CHRNE: variants seen among roughly 807,000 people sequenced by gnomAD.
The protein encoded by CHRNE is acetylcholine receptor subunit epsilon.
A neutral mutation model predicts 56.5 loss-of-function variants in CHRNE; 58 were observed. The ratio of observed to expected loss-of-function variants is 1.03; its 90% CI spans 0.83 to 1.28. The LOEUF is 1.28. Among genes scored for constraint, CHRNE ranks in the 50% most tolerant of loss-of-function variants. The probability of loss-of-function intolerance (pLI) is 0.00; values close to 1 mark genes in which losing one functional copy is unlikely to be tolerated. For missense variants in CHRNE, 793 were observed against 688.9 expected, an observed-to-expected ratio of 1.15 and a Z score of -1.69; for synonymous variants, 385 against 297.9, an observed-to-expected ratio of 1.29 and a Z score of -3.01.
At position 4,898,741 on chromosome 17, in the gene CHRNE, G is replaced by C. The variant is rs1193224043; in HGVS notation, c.1477C>G (p.Pro493Ala). ...GAAATTGAAGTCGGTGCGAGCTAAG[G>C]CTGGATACACGGCGCGTAGGGGAGA... The part of the protein sequence containing the change: ...PDLPYAPCIQ[P>A] Residue 493 changes from proline to alanine, a missense_variant, in exon 12 of 12, where the codon CCT (proline) becomes GCT (alanine). Pro to Ala is a conservative substitution (Grantham distance 27). Coordinates refer to ENST00000649488, the MANE Select transcript of CHRNE (RefSeq NM_000080.4). 4 of 1,610,784 alleles carry C rather than the reference G, an allele frequency of 2.5e-6. No homozygotes were observed. Among genetic ancestry groups the C allele is most frequent in the Non-Finnish European group, 8.5e-7 (1 of 1,179,040 alleles).
At position 4,898,352 on chromosome 17, in the gene CHRNE, C is replaced by G. The variant is rs1250957027; in HGVS notation, c.*384G>C. The G allele has an allele frequency of 3.1e-6, 1 of 319,242 alleles. No individual in the cohort carries two copies. The highest frequency in any genetic ancestry group is 2.2e-5 in the African/African-American group (1 of 46,404). 19.8% of individuals were successfully genotyped at this position (319,242 alleles called of 1,614,324 possible). On this transcript the variant is annotated 3_prime_UTR_variant, in exon 12 of 12. Transcript: ENST00000649488. ...GAAGAGGGTTTCCTGGCTACAGCCT[C>G]CCTGTGTGCAAGTCCTGCAAAGGGG...
chr17:4,899,660 C>T (rs903450987), intron 8 of CHRNE, 78 bp from the exon 9 acceptor site: 1 of 1,444,572 alleles, frequency 6.9e-7, no homozygotes, highest in Non-Finnish European at 9.5e-7. Context: ...CTCACAAACA[C>T]GGCTTCTCCT....
chr17:4,908,389 T>C (rs1387398077), intron 1 of CHRNE, among the ~76,000 whole-genome samples: 2 of 152,190 alleles, frequency 1.3e-5, no homozygotes, highest in Admixed American at 6.5e-5. Flanking sequence ...TTGCTCCTCA[T>C]GCTGGAGGAG....
chr17:4,901,656 G>C, intron 5 of CHRNE, 31 bp from the exon 6 acceptor site: 3 of 1,599,762 alleles, frequency 1.9e-6, no homozygotes, highest in Non-Finnish European at 2.6e-6. Context: ...GCCCACCCCA[G>C]AAGCTCTGAC....
Position 4,902,828 on chromosome 17 carries a change from T to C in CHRNE, c.47-65A>G. 2 of 1,611,548 alleles carry C rather than the reference T, an allele frequency of 1.2e-6. No homozygotes were observed. Among genetic ancestry groups the C allele is most frequent in the Non-Finnish European group, 1.7e-6 (2 of 1,178,204 alleles). On this transcript the variant is annotated intron_variant, in intron 1 of 11. Transcript: ENST00000649488. The surrounding 1 kb of genome is among the most constrained non-coding windows in gnomAD (Gnocchi z 4.0). ...GAGGCTGGAGCACCTCTCTCCCCTC[T>C]GCCTCCCCTGGGTCCTCACAGGCCT... is the stretch of plus-strand genomic sequence containing the variant.
At position 4,899,276 on chromosome 17, in the gene CHRNE, C is replaced by T. The variant is rs547989166; in HGVS notation, c.1141G>A (p.Ala381Thr). The T allele has an allele frequency of 6.2e-6, 10 of 1,601,688 alleles. No homozygotes were observed. The Admixed American group carries it at 6.7e-5, about 11-fold the overall frequency. ...RASSVGLLLR[A>T]EELILKKPRS... ...GGCTTTTTCAGTATCAGCTCCTCCG[C>T]GCGGAGCAATAAGCCCACCGACGAC... The change falls in exon 10 of 12, where the codon GCG becomes ACG. Residue 381 changes from alanine (A) to threonine (T), a missense_variant. Physicochemically the swap from Ala to Thr is moderately conservative, Grantham distance 58. Transcript: ENST00000649488.
upstream of CHRNE, among the ~76,000 whole-genome samples, chr17:4,904,950 G>C (rs1218998710): frequency 2.0e-5 from 3 of 152,162 alleles, no homozygotes; most frequent in African/African-American, 7.2e-5. Flanking sequence ...TTACCTCTTT[G>C]CATGTGGCTG....
chr17:4,899,710 C>T, intron 8 of CHRNE, 128 bp from the exon 9 acceptor site: 1 of 1,512,620 alleles, frequency 6.6e-7, no homozygotes, highest in East Asian at 2.5e-5. Flanking sequence ...GCCCCCTACA[C>T]GACGACAGAC....
Position 4,900,791 on chromosome 17 carries a change from A to G in CHRNE, c.917+2T>C. ...ACACCCCCGCGGGGGCTCCGGCTTCACCTGCCCAGGAGCGGCACGCTCAGA... is the reference window on the plus strand; with the variant it reads ...ACACCCCCGCGGGGGCTCCGGCTTCGCCTGCCCAGGAGCGGCACGCTCAGA... On this transcript the variant is annotated splice_donor_variant, in intron 8 of 11. Transcript: ENST00000649488. LOFTEE classifies it high-confidence loss of function. 6.2e-7 allele frequency: 1 copy of G among 1,613,140 alleles called. No individual in the cohort carries two copies. Among genetic ancestry groups the G allele is most frequent in the East Asian group, 2.2e-5 (1 of 44,838 alleles).
At chr17:4,900,656 C>A in intron 8 of CHRNE, 137 bp downstream of exon 8, 1 of 1,436,180 alleles carries the variant, frequency 7.0e-7, no homozygotes. Context: ...GACTCCATCC[C>A]CGTACCAGCC....
chr17:4,903,200 G>T, upstream of CHRNE: 1 of 867,364 alleles, frequency 1.2e-6, no homozygotes, highest in Non-Finnish European at 1.9e-6. Context: ...GCTCACCCCT[G>T]CTGCAGCTGG....
chr17:4,902,910 A>G lies in CHRNE; in HGVS notation c.46+108T>C. On this transcript the variant is annotated intron_variant, in intron 1 of 11. Transcript: ENST00000649488. This position sits in a 1 kb window ranked among gnomAD's most constrained non-coding sequence, Gnocchi z 4.0. ...TAAACCAATTATGCTGTGCCTGGGAACGAAATACTGTGTCTAAGTCTCCAT... is the reference window on the plus strand; with the variant it reads ...TAAACCAATTATGCTGTGCCTGGGAGCGAAATACTGTGTCTAAGTCTCCAT... The G allele has an allele frequency of 6.3e-7, 1 of 1,582,960 alleles. No homozygotes were observed. Among genetic ancestry groups the G allele is most frequent in the East Asian group, 2.2e-5 (1 of 44,708 alleles).
At chr17:4,903,928 G>C (rs1241453900), upstream of CHRNE, among the ~76,000 whole-genome samples, 1 of 152,180 alleles carries the variant, frequency 6.6e-6, no homozygotes. Flanking sequence ...CATGATCTCG[G>C]CTCACTGCAA....
At chr17:4,901,414 A>G in intron 6 of CHRNE, 111 bp downstream of exon 6, 2 of 1,069,588 alleles carry the variant, frequency 1.9e-6, no homozygotes, top group African/African-American at 3.1e-5. Flanking sequence ...AGCTAAACCC[A>G]GTTGTGGAAG....
At chr17:4,900,023 A>G (rs899611830) in intron 8 of CHRNE, 1 of 1,551,326 alleles carries the variant, frequency 6.4e-7, no homozygotes, top group African/African-American at 1.4e-5. Context: ...CAGAGAGCTG[A>G]AGTCCCTGGA....
chr17:4,907,148 CAAT>C (rs1233056313), upstream of CHRNE, among the ~76,000 whole-genome samples: 1 of 151,194 alleles, frequency 6.6e-6, no homozygotes, highest in Non-Finnish European at 1.5e-5. Context: ...TGACTGTAGT[CAAT>C]AATAATTTCA....
chr17:4,901,264 G>A (rs1180613613), intron 6 of CHRNE, 74 bp from the exon 7 acceptor site: 1 of 1,523,234 alleles, frequency 6.6e-7, no homozygotes, highest in East Asian at 2.3e-5. Context: ...CTGAAGAGGA[G>A]GCTGCGGCTG....
In CHRNE at chr17:4,902,843, C is replaced by T; in HGVS notation, c.47-80G>A. The T allele has an allele frequency of 1.3e-6, 2 of 1,599,762 alleles. No homozygotes were observed. Among genetic ancestry groups the T allele is most frequent in the Non-Finnish European group, 1.7e-6 (2 of 1,167,714 alleles). ...CTCTCCCCTCTGCCTCCCCTGGGTC[C>T]TCACAGGCCTCTGAGGCTGTGTACT... On this transcript the variant is annotated intron_variant, in intron 1 of 11. Transcript: ENST00000649488. The surrounding 1 kb of genome is among the most constrained non-coding windows in gnomAD (Gnocchi z 4.0).
intron 1 of CHRNE, among the ~76,000 whole-genome samples, chr17:4,908,540 A>G (rs1970118143): frequency 6.6e-6 from 1 of 152,184 alleles, no homozygotes; most frequent in Non-Finnish European, 1.5e-5. Context: ...GTTTGCTCAC[A>G]GTGAGGACTG....
Sources: gnomAD v4.1 joint callset for allele counts (sites outside exome capture counted in the v4.1 genomes callset) on GRCh38, gnomAD v4.1.1 for gene constraint, Gnocchi (gnomAD v3.1) non-coding constraint, MANE v1.5 for transcripts, NCBI Gene and HGNC (gene_info 2026-07-23, HGNC 2026-07-21) for gene names.